Variants in FYB1 observed in about 807,000 individuals in gnomAD.
FYB1 encodes FYN-binding protein 1.
In FYB1, 41 loss-of-function variants were observed where a neutral mutation model predicts 94.1. The observed-to-expected ratio is 0.44, with a 90% confidence interval of 0.34 to 0.57. FYB1 has a LOEUF of 0.57. FYB1 is among the 20% of genes least tolerant of loss of function. The pLI is 0.02. For synonymous variants in FYB1, 367 were observed against 353.2 expected (o/e 1.04, Z -0.44); for missense variants, 1,050 against 976.8 (o/e 1.07, Z -1.00).
At chr5:39,270,265 T>C (rs1002554315) in intron 1 of FYB1, among the ~76,000 whole-genome samples, 1 of 152,134 alleles carries the variant, frequency 6.6e-6, no homozygotes, top group African/African-American at 2.4e-5. Context: ...ACTAAATTAC[T>C]GGGGCTGGCA....
chr5:39,194,164 A>G (rs1384400557), intron 2 of FYB1, among the ~76,000 whole-genome samples: 3 of 152,222 alleles, frequency 2.0e-5, no homozygotes, highest in Non-Finnish European at 4.4e-5. Flanking sequence ...TTGTCTGCAT[A>G]CTTCTCCACA....
Position 39,137,735 on chromosome 5 carries a change from TGTTAG to T in FYB1, c.1395-20_1395-16del, listed in dbSNP as rs1741786983. The T allele has an allele frequency of 1.9e-6, 3 of 1,550,740 alleles. No homozygotes were observed. The highest frequency in any genetic ancestry group is 2.6e-6 in the Non-Finnish European group (3 of 1,146,720). On this transcript the variant is annotated splice_polypyrimidine_tract_variant and intron_variant, in intron 6 of 18. Transcript: ENST00000512982. ...TGGATGCTTCTCTGTGAGTAAAAAT[TGTTAG>T]GTTGTTTTCACATCTGCAGGTGTTG... is the stretch of plus-strand genomic sequence containing the variant.
In FYB1 at chr5:39,230,340, G is replaced by A. The variant is rs1032307167; in HGVS notation, c.-27-27353C>T. ...TCAAGCTGAAATAAGGCCATGAGCCGAGGAATGCAGGCAGCCTTTGGAAGC... is the reference window on the plus strand; with the variant it reads ...TCAAGCTGAAATAAGGCCATGAGCCAAGGAATGCAGGCAGCCTTTGGAAGC... On this transcript the variant is annotated intron_variant, in intron 1 of 1. Coordinates refer to the FYB1 transcript ENST00000510188. 5.9e-5 allele frequency among the ~76,000 whole-genome samples: 9 copies of A among 152,102 alleles called. No individual in the cohort carries two copies. The South Asian group carries it at 6.2e-4, about 11-fold the overall frequency.
intron 7 of FYB1, among the ~76,000 whole-genome samples, chr5:39,136,052 G>A (rs1233787015): frequency 6.6e-6 from 1 of 151,936 alleles, no homozygotes; most frequent in African/African-American, 2.4e-5. Flanking sequence ...TTTCTTCATG[G>A]AAAGTATACT....
At chr5:39,223,755 A>T (rs1750363111), upstream of FYB1, among the ~76,000 whole-genome samples, 1 of 152,220 alleles carries the variant, frequency 6.6e-6, no homozygotes, top group African/African-American at 2.4e-5. Context: ...ACAAGGAGAT[A>T]AAACCCTAGG....
intron 1 of FYB1, among the ~76,000 whole-genome samples, chr5:39,273,663 G>A (rs577384881): frequency 2.0e-5 from 3 of 152,168 alleles, no homozygotes; most frequent in Non-Finnish European, 4.4e-5. Flanking sequence ...ACTGGGGCAT[G>A]CACTCTCTTT....
intron 1 of FYB1, among the ~76,000 whole-genome samples, chr5:39,266,961 A>G (rs1752460057): frequency 6.6e-6 from 1 of 152,090 alleles, no homozygotes; most frequent in Non-Finnish European, 1.5e-5. Context: ...ACTTTTTCTG[A>G]GACGTAACAA....
chr5:39,190,160 C>A (rs748407163), intron 2 of FYB1, among the ~76,000 whole-genome samples: 1 of 152,170 alleles, frequency 6.6e-6, no homozygotes, highest in East Asian at 1.9e-4. Context: ...CTCAGTAGTT[C>A]AGAATTCAGC....
intron 1 of FYB1, among the ~76,000 whole-genome samples, chr5:39,267,093 C>T (rs1244454206): frequency 1.3e-5 from 2 of 152,104 alleles, no homozygotes; most frequent in Non-Finnish European, 2.9e-5. Flanking sequence ...GTTTACTCAA[C>T]TAGAAAACAG....
At chr5:39,210,617 T>C (rs696745) in intron 1 of FYB1, among the ~76,000 whole-genome samples, 147,253 of 152,306 alleles carry the variant, frequency 0.97, 71,400 homozygotes, top group East Asian at 1. Flanking sequence ...GAACCTTCAA[T>C]GTTCTTTTCC....
At chr5:39,262,420 TTAAAAC>T (rs1327589114) in intron 1 of FYB1, among the ~76,000 whole-genome samples, 1 of 152,074 alleles carries the variant, frequency 6.6e-6, no homozygotes, top group African/African-American at 2.4e-5. Flanking sequence ...ATCAGAAAAA[TTAAAAC>T]TAAAACAATA....
intron 2 of FYB1, among the ~76,000 whole-genome samples, chr5:39,155,962 T>C (rs1393016888): frequency 6.6e-6 from 1 of 152,190 alleles, no homozygotes; most frequent in Non-Finnish European, 1.5e-5. Context: ...AGTAGATTCA[T>C]AAATGATTTA....
intron 1 of FYB1, among the ~76,000 whole-genome samples, chr5:39,210,385 A>G (rs1256686631): frequency 1.3e-5 from 2 of 152,196 alleles, no homozygotes; most frequent in Non-Finnish European, 2.9e-5. Context: ...AGCACTGATG[A>G]TCCGGATCCT....
upstream of FYB1, among the ~76,000 whole-genome samples, chr5:39,223,087 T>A (rs1440820530): frequency 6.6e-6 from 1 of 151,574 alleles, no homozygotes; most frequent in Non-Finnish European, 1.5e-5. Flanking sequence ...CACCTGCACA[T>A]CCTGCACATG....
At chr5:39,132,997 T>C (rs1326529415) in intron 9 of FYB1, among the ~76,000 whole-genome samples, 1 of 152,210 alleles carries the variant, frequency 6.6e-6, no homozygotes, top group African/African-American at 2.4e-5. Context: ...TATGTTTTGG[T>C]ATATGTTGCA....
chr5:39,241,362 G>A (rs1445491380), intron 1 of FYB1, among the ~76,000 whole-genome samples: 2 of 152,202 alleles, frequency 1.3e-5, no homozygotes, highest in African/African-American at 4.8e-5. Flanking sequence ...ACAACAGGGT[G>A]TCCAGGACCT....
chr5:39,112,409 C>T (rs190964868), intron 16 of FYB1, among the ~76,000 whole-genome samples: 16 of 152,052 alleles, frequency 1.1e-4, no homozygotes, highest in South Asian at 4.1e-4. Context: ...TGAAGTCAAT[C>T]TCATATGATT....
chr5:39,129,559 T>C (rs750632678), intron 10 of FYB1, among the ~76,000 whole-genome samples: 20 of 152,000 alleles, frequency 1.3e-4, no homozygotes, highest in Non-Finnish European at 1.9e-4. Flanking sequence ...AAACTATTCA[T>C]CTCAAAAGGG....
At chr5:39,261,305 TAA>T (rs34116289) in intron 1 of FYB1, among the ~76,000 whole-genome samples, 1,361 of 122,078 alleles carry the variant, frequency 0.011, 23 homozygotes, top group African/African-American at 0.035. Context: ...AAAGTAGAAT[TAA>T]AAAAAAAAAA....
Sources: allele counts gnomAD v4.1 joint callset (sites outside exome capture counted in the v4.1 genomes callset), GRCh38; gene constraint gnomAD v4.1.1; transcripts MANE v1.5; gene names NCBI Gene and HGNC (gene_info 2026-07-23, HGNC 2026-07-21).